TFDP2: variants seen among roughly 807,000 people sequenced by gnomAD.
The protein encoded by TFDP2 is transcription factor Dp-2 (E2F dimerization partner 2).
Under a neutral mutation model 59.3 loss-of-function variants are expected in TFDP2, and 17 were observed. The observed-to-expected ratio is 0.29, with a 90% confidence interval of 0.20 to 0.43. TFDP2 has a LOEUF of 0.43. TFDP2 is among the 20% of genes least tolerant of loss of function. The pLI is 1.00. For synonymous variants in TFDP2, 180 were observed against 194.7 expected (o/e 0.92, Z 0.63); for missense variants, 391 against 528.8 (o/e 0.74, Z 2.56).
chr3:142,056,905 ATACC>A lies in TFDP2; in HGVS notation c.82+36152_82+36155del, dbSNP rs2059766972. Among the ~76,000 whole-genome samples the A allele has an allele frequency of 2.6e-5, 4 of 152,350 alleles. No individual in the cohort carries two copies. The South Asian group carries it at 8.3e-4, about 32-fold the overall frequency. On this transcript the variant is annotated intron_variant, in intron 3 of 12. Coordinates refer to ENST00000489671, the MANE Select transcript of TFDP2 (RefSeq NM_001178139.2). ...CCTCATGAGGGACCCTGAGGCAGAA[ATACC>A]TACGTAAGCCACTCCCAGATTGCTG...
chr3:142,134,929 A>G (rs1452052018), intron 1 of TFDP2, among the ~76,000 whole-genome samples: 3 of 152,138 alleles, frequency 2.0e-5, no homozygotes, highest in Non-Finnish European at 2.9e-5. Flanking sequence ...TCTCAAACAC[A>G]GTAACTTTTC....
Position 141,978,446 on chromosome 3 carries a change from A to G in TFDP2, c.519+74T>C, listed in dbSNP as rs546349823. On this transcript the variant is annotated intron_variant, in intron 7 of 12. Transcript: ENST00000489671. Reference sequence around the variant, plus strand: ...CCCTCAAGTATAGTCGTGATTCCTCAAATCTATAACAAAGATAACACAAAG... The same window carrying G: ...CCCTCAAGTATAGTCGTGATTCCTCGAATCTATAACAAAGATAACACAAAG... 27 of 1,445,452 alleles carry G rather than the reference A, an allele frequency of 1.9e-5. 1 individual carries two copies. In the African/African-American group the frequency reaches 3.3e-4, roughly 18 times the overall value. The allele number at this position is 1,445,452 out of a possible 1,614,324, so 89.5% of individuals were successfully genotyped here. A position where few individuals can be genotyped will look rare whatever the true frequency, so the allele number is the denominator to read the frequency against.
Position 141,949,807 on chromosome 3 carries a change from ATTT to A in TFDP2, c.*2703_*2705del, listed in dbSNP as rs759658026. 14 of 98,032 alleles carry A rather than the reference ATTT, an allele frequency of 1.4e-4. 1 individual carries two copies. The highest frequency in any genetic ancestry group is 3.9e-4 in the African/African-American group (9 of 22,924). 6.1% of individuals were successfully genotyped at this position (98,032 alleles called of 1,614,324 possible). ...CCTGGGCATTGTGACCACAACTTCC[ATTT>A]TTTTTTTTTTTTTTTTTGAGACAGG... On this transcript the variant is annotated 3_prime_UTR_variant, in exon 13 of 13. Transcript: ENST00000489671.
intron 11 of TFDP2, among the ~76,000 whole-genome samples, chr3:141,953,945 C>T (rs559792252): frequency 3.9e-5 from 6 of 152,082 alleles, no homozygotes; most frequent in Non-Finnish European, 8.8e-5. Flanking sequence ...CCAAGGAGGG[C>T]GGATCACCTG....
At chr3:142,110,422 T>C (rs2061613420) in intron 1 of TFDP2, among the ~76,000 whole-genome samples, 1 of 151,840 alleles carries the variant, frequency 6.6e-6, no homozygotes. Context: ...GAGAATCACT[T>C]GAACCTGGAA....
chr3:142,122,241 C>T (rs931105026), intron 1 of TFDP2, among the ~76,000 whole-genome samples: 2 of 152,126 alleles, frequency 1.3e-5, no homozygotes, highest in South Asian at 2.1e-4. Context: ...CAAAAGTTTA[C>T]CTGCTCACTT....
chr3:142,044,441 G>A (rs191565066), intron 3 of TFDP2, among the ~76,000 whole-genome samples: 1 of 152,034 alleles, frequency 6.6e-6, no homozygotes, highest in East Asian at 1.9e-4. Context: ...TCATCATGTT[G>A]GCCAGGATGG....
chr3:141,984,324 AC>A (rs1311361888), intron 6 of TFDP2, among the ~76,000 whole-genome samples: 3 of 152,030 alleles, frequency 2.0e-5, no homozygotes, highest in African/African-American at 7.2e-5. Context: ...ACGTGGTGAA[AC>A]CCCGTTTACT....
chr3:141,987,465 T>C (rs948331021), intron 6 of TFDP2, among the ~76,000 whole-genome samples: 4 of 151,548 alleles, frequency 2.6e-5, no homozygotes, highest in Non-Finnish European at 4.4e-5. Context: ...GTATTTTTAG[T>C]AGAGACTGGG....
intron 3 of TFDP2, among the ~76,000 whole-genome samples, chr3:142,045,187 C>T (rs1205126555): frequency 2.2e-5 from 3 of 136,948 alleles, no homozygotes; most frequent in African/African-American, 8.1e-5. Flanking sequence ...GAGTTTCACT[C>T]TTGTTGCCCA....
intron 3 of TFDP2, among the ~76,000 whole-genome samples, chr3:142,043,147 C>T (rs987178567): frequency 1.3e-5 from 2 of 149,202 alleles, no homozygotes; most frequent in African/African-American, 5.0e-5. Context: ...CCCGGGTTCA[C>T]GCCATTCTCC....
chr3:142,100,584 G>A (rs1158699534), intron 2 of TFDP2, among the ~76,000 whole-genome samples: 1 of 152,130 alleles, frequency 6.6e-6, no homozygotes, highest in Non-Finnish European at 1.5e-5. Flanking sequence ...TGTTGGCCAG[G>A]CTGGTCTCGA....
At chr3:142,124,274 T>C (rs1212872633) in intron 1 of TFDP2, among the ~76,000 whole-genome samples, 1 of 152,114 alleles carries the variant, frequency 6.6e-6, no homozygotes, top group Non-Finnish European at 1.5e-5. Flanking sequence ...TAAGCAAGAA[T>C]AGCCATAAAA....
chr3:142,023,122 C>CAAAAAAAAAAAAAAAAAAAAAAAAA (rs765096570), intron 3 of TFDP2, among the ~76,000 whole-genome samples: 4 of 59,542 alleles, frequency 6.7e-5, no homozygotes, highest in Admixed American at 2.1e-4. Context: ...CCCTCCGTCT[C>CAAAAAAAAAAAAAAAAAAAAAAAAA]AAAAAAAAAA....
chr3:141,969,567 G>A (rs1349261104), intron 9 of TFDP2, among the ~76,000 whole-genome samples: 1 of 151,822 alleles, frequency 6.6e-6, no homozygotes, highest in Non-Finnish European at 1.5e-5. Context: ...AGCCAAGATC[G>A]CACCACTGCA....
chr3:142,059,314 G>C (rs1336596893), intron 3 of TFDP2, among the ~76,000 whole-genome samples: 1 of 152,096 alleles, frequency 6.6e-6, no homozygotes, highest in East Asian at 1.9e-4. Flanking sequence ...TAACAAGTGG[G>C]TTGTTTCATA....
At chr3:142,084,451 A>G (rs938972123) in intron 3 of TFDP2, among the ~76,000 whole-genome samples, 5 of 152,208 alleles carry the variant, frequency 3.3e-5, no homozygotes, top group African/African-American at 1.2e-4. Context: ...CTACCACATG[A>G]TCCAGCAATC....
chr3:141,968,802 T>G (rs1291095206), intron 9 of TFDP2, among the ~76,000 whole-genome samples: 1 of 83,482 alleles, frequency 1.2e-5, no homozygotes, highest in Non-Finnish European at 2.2e-5. Flanking sequence ...CACATATATA[T>G]CTCATATATA....
At chr3:142,088,660 G>A (rs1435098777) in intron 3 of TFDP2, among the ~76,000 whole-genome samples, 1 of 147,772 alleles carries the variant, frequency 6.8e-6, no homozygotes, top group Non-Finnish European at 1.5e-5. Context: ...ACCCAGGCTG[G>A]AATGCAATTG....
Sources: allele counts gnomAD v4.1 joint callset (sites outside exome capture counted in the v4.1 genomes callset), GRCh38; gene constraint gnomAD v4.1.1; transcripts MANE v1.5; gene names NCBI Gene and HGNC (gene_info 2026-07-23, HGNC 2026-07-21).